GPC5: variants seen among roughly 807,000 people sequenced by gnomAD.
GPC5 encodes glypican 5, also known as glypican-5.
A neutral mutation model predicts 53.9 loss-of-function variants in GPC5; 47 were observed. The observed-to-expected ratio is 0.87, with a 90% confidence interval of 0.69 to 1.11. The LOEUF (loss-of-function observed/expected upper bound fraction) is 1.11, where lower values mean the gene tolerates loss of function less well. Ranked by LOEUF, GPC5 falls within the 50% of genes most tolerant of loss-of-function variation. GPC5 has a pLI of 0.00. For missense variants in GPC5, 748 were observed against 713.1 expected, an observed-to-expected ratio of 1.05 and a Z score of -0.56; for synonymous variants, 286 against 263.3, an observed-to-expected ratio of 1.09 and a Z score of -0.84.
chr13:92,318,863 G>T (rs2043197415), intron 7 of GPC5, among the ~76,000 whole-genome samples: 1 of 152,074 alleles, frequency 6.6e-6, no homozygotes, highest in Non-Finnish European at 1.5e-5. Context: ...GGATTTTTGG[G>T]GGGGCTTTTG....
chr13:92,040,422 A>G (rs2040932990), intron 6 of GPC5, among the ~76,000 whole-genome samples: 1 of 152,234 alleles, frequency 6.6e-6, no homozygotes, highest in African/African-American at 2.4e-5. Context: ...GAGTGGCTCA[A>G]GGCCTGGCCA....
intron 7 of GPC5, among the ~76,000 whole-genome samples, chr13:92,222,950 T>A (rs1455673114): frequency 1.3e-5 from 2 of 152,174 alleles, no homozygotes; most frequent in African/African-American, 2.4e-5. Flanking sequence ...TCATGCTGTA[T>A]ACAAAATTAA....
intron 2 of GPC5, among the ~76,000 whole-genome samples, chr13:91,471,464 C>T (rs538339756): frequency 2.0e-4 from 30 of 152,176 alleles, no homozygotes; most frequent in Admixed American, 5.2e-4. Flanking sequence ...GTTTATTTAA[C>T]GGTGTTGCGA....
chr13:92,837,202 G>A (rs1878248492), intron 7 of GPC5, among the ~76,000 whole-genome samples: 1 of 152,112 alleles, frequency 6.6e-6, no homozygotes, highest in Non-Finnish European at 1.5e-5. Flanking sequence ...CTGTAGATCC[G>A]AGAGAAAGGA....
chr13:92,512,594 T>A (rs1880614527), intron 7 of GPC5, among the ~76,000 whole-genome samples: 1 of 152,178 alleles, frequency 6.6e-6, no homozygotes, highest in Non-Finnish European at 1.5e-5. Context: ...GTTGATCTGT[T>A]ACTTTTTCAC....
At chr13:91,618,668 C>G (rs529780444) in intron 2 of GPC5, among the ~76,000 whole-genome samples, 4 of 151,062 alleles carry the variant, frequency 2.6e-5, no homozygotes, top group Admixed American at 6.6e-5. Context: ...TTTTTTTTAT[C>G]AGCTCACAGT....
rs146015482 is a variant in GPC5, at chr13:92,808,193, T to G, written c.1562-58089T>G. ...TGCAGCACAAGTTTTATTATAAACA[T>G]CCGAATTTTTTGTATCTGAGGTGAT... On this transcript the variant is annotated intron_variant, in intron 7 of 7. Coordinates refer to ENST00000377067, the MANE Select transcript of GPC5 (RefSeq NM_004466.6). 1.4e-4 allele frequency among the ~76,000 whole-genome samples: 21 copies of G among 152,122 alleles called. No homozygotes were observed. In the East Asian group the frequency reaches 1.9e-3, roughly 14 times the overall value.
At chr13:92,125,806 T>C (rs1389596830) in intron 6 of GPC5, among the ~76,000 whole-genome samples, 9 of 152,068 alleles carry the variant, frequency 5.9e-5, no homozygotes, top group Admixed American at 5.9e-4. Flanking sequence ...CATGTGAAAA[T>C]TTATCTAATG....
intron 7 of GPC5, among the ~76,000 whole-genome samples, chr13:92,490,453 T>C (rs6492611): frequency 0.77 from 117,630 of 151,886 alleles, 45,568 homozygotes; most frequent in Middle Eastern, 0.81. Context: ...ATCAGTATCC[T>C]TGCTATACAT....
rs1172217372 is a variant in GPC5 at position 92,385,776 on chromosome 13, CATATAT to C, written c.1561+240788_1561+240793del. 2.7e-3 allele frequency among the ~76,000 whole-genome samples: 366 copies of C among 136,544 alleles called. 4 individuals are homozygous for C. The highest frequency in any genetic ancestry group is 9.3e-3 in the African/African-American group (342 of 36,916). The allele number at this position is 136,544 out of a possible 152,430, so 89.6% of individuals were successfully genotyped here. A position where few individuals can be genotyped will look rare whatever the true frequency, so the allele number is the denominator to read the frequency against. On this transcript the variant is annotated intron_variant, in intron 7 of 7. Transcript: ENST00000377067. Reference sequence around the variant, plus strand: ...ACGTGTATATATATACGTATATATACATATATGTATATATATACATATATACGTATA... The same window carrying C: ...ACGTGTATATATATACGTATATATACGTATATATATACATATATACGTATA...
chr13:92,172,696 A>G (rs998679854), intron 7 of GPC5, among the ~76,000 whole-genome samples: 1 of 152,076 alleles, frequency 6.6e-6, no homozygotes, highest in African/African-American at 2.4e-5. Flanking sequence ...ATAAAAGGAG[A>G]GTTCTTCTCA....
At chr13:91,587,516 T>G (rs910748712) in intron 2 of GPC5, among the ~76,000 whole-genome samples, 1 of 152,160 alleles carries the variant, frequency 6.6e-6, no homozygotes, top group Non-Finnish European at 1.5e-5. Flanking sequence ...TCAGCCTTCC[T>G]TGCCTCCCTA....
At chr13:91,441,095 C>T (rs915277842) in intron 1 of GPC5, among the ~76,000 whole-genome samples, 1 of 152,200 alleles carries the variant, frequency 6.6e-6, no homozygotes, top group Non-Finnish European at 1.5e-5. Flanking sequence ...GAAAACTAAT[C>T]CCCTGCTTTT....
intron 7 of GPC5, among the ~76,000 whole-genome samples, chr13:92,368,141 C>T (rs1455298465): frequency 1.3e-5 from 2 of 151,840 alleles, no homozygotes; most frequent in South Asian, 2.1e-4. Flanking sequence ...CCCTCAGCCA[C>T]GCCTGGCTAA....
chr13:92,493,252 A>C (rs1480517170), intron 7 of GPC5, among the ~76,000 whole-genome samples: 2 of 152,380 alleles, frequency 1.3e-5, no homozygotes, highest in East Asian at 3.9e-4. Flanking sequence ...ACAAGCATTA[A>C]ATATTGTACA....
At chr13:91,887,545 G>C (rs1278595718) in intron 5 of GPC5, among the ~76,000 whole-genome samples, 1 of 152,100 alleles carries the variant, frequency 6.6e-6, no homozygotes, top group African/African-American at 2.4e-5. Context: ...CTTGCATTGT[G>C]ACGCTGCAAA....
chr13:92,158,941 G>T (rs1240286499), intron 7 of GPC5, among the ~76,000 whole-genome samples: 2 of 152,112 alleles, frequency 1.3e-5, no homozygotes, highest in Admixed American at 1.3e-4. Context: ...GCACCCAGAT[G>T]CTTTTGACCA....
intron 2 of GPC5, among the ~76,000 whole-genome samples, chr13:91,566,035 G>A (rs1052651181): frequency 1.3e-5 from 2 of 152,000 alleles, no homozygotes; most frequent in African/African-American, 4.8e-5. Flanking sequence ...ACTGGATTTA[G>A]GGCCCACACA....
chr13:92,002,767 A>C (rs1026062160), intron 6 of GPC5, among the ~76,000 whole-genome samples: 8 of 152,192 alleles, frequency 5.3e-5, no homozygotes, highest in African/African-American at 1.9e-4. Flanking sequence ...ACAATACTAC[A>C]GGCTGGTGTA....
Sources: gnomAD v4.1 joint callset for allele counts (sites outside exome capture counted in the v4.1 genomes callset) on GRCh38, gnomAD v4.1.1 for gene constraint, MANE v1.5 for transcripts, NCBI Gene and HGNC (gene_info 2026-07-23, HGNC 2026-07-21) for gene names.